The following TENM3 variants were observed in gnomAD, a reference collection of about 807,000 sequenced individuals.
The protein encoded by TENM3 is teneurin-3.
A neutral mutation model predicts 255.1 loss-of-function variants in TENM3; 63 were observed. The ratio of observed to expected loss-of-function variants is 0.25; its 90% CI spans 0.20 to 0.30. The LOEUF is 0.30. TENM3 is among the 10% of genes least tolerant of loss of function. The pLI is 1.00. For synonymous variants in TENM3, 1,306 were observed against 1,322.3 expected, an observed-to-expected ratio of 0.99 and a Z score of 0.27; for missense variants, 2,929 against 3,461.1, an observed-to-expected ratio of 0.85 and a Z score of 3.86.
intron 24 of TENM3, among the ~76,000 whole-genome samples, chr4:182,787,178 C>G (rs985983326): frequency 1.3e-5 from 2 of 152,222 alleles, no homozygotes; most frequent in African/African-American, 4.8e-5. Flanking sequence ...CGCATGGAAG[C>G]TCAGAAAGCC....
chr4:182,679,869 T>C lies in TENM3; in HGVS notation c.1530T>C (p.Ile510=), dbSNP rs369180832. 9 of 1,607,210 alleles carry C rather than the reference T, an allele frequency of 5.6e-6. No homozygotes were observed. The African/African-American group carries it at 9.4e-5, about 17-fold the overall frequency. The change falls in exon 8 of 28, where the codon ATT becomes ATC. Residue 510 remains isoleucine (I), a synonymous_variant. Transcript: ENST00000511685. ...CAGAGCAGGTGTCTTTTAATACCAT[T>C]GTTATAGGTAAGAATAGTCTTCAAA... ...KNAEQVSFNT[I]VIESVVECPR... is the part of the protein sequence containing the mutation.
At chr4:182,315,731 T>G (rs1762718015) in intron 1 of TENM3, among the ~76,000 whole-genome samples, 1 of 152,214 alleles carries the variant, frequency 6.6e-6, no homozygotes, top group South Asian at 2.1e-4. Context: ...CACATGTATA[T>G]TGGTCTCTTA....
At chr4:182,798,439 C>A (rs560847723) in intron 27 of TENM3, among the ~76,000 whole-genome samples, 2 of 152,340 alleles carry the variant, frequency 1.3e-5, no homozygotes, top group East Asian at 3.9e-4. Context: ...TAGGCCATCC[C>A]ATACAGCCTA....
In TENM3 at chr4:182,246,257, A is replaced by T. The variant is rs528936470; in HGVS notation, c.-76+2781A>T. 2.7e-4 allele frequency among the ~76,000 whole-genome samples: 41 copies of T among 152,326 alleles called. No individual in the cohort carries two copies. The South Asian group carries it at 3.7e-3, about 14-fold the overall frequency. ...ACCACTGCCAGCAGCCCCAAGGCAT[A>T]GGGGAAGAAAGAATTTTTTAAAAAG... On this transcript the variant is annotated intron_variant, in intron 1 of 27. Coordinates refer to ENST00000511685, the MANE Select transcript of TENM3 (RefSeq NM_001080477.4).
chr4:182,562,193 C>T (rs1026623098), intron 3 of TENM3, among the ~76,000 whole-genome samples: 1 of 152,122 alleles, frequency 6.6e-6, no homozygotes, highest in African/African-American at 2.4e-5. Flanking sequence ...AACATCTATT[C>T]TTTTAAGTGA....
At chr4:182,702,723 A>C (rs1241472646) in intron 12 of TENM3, among the ~76,000 whole-genome samples, 1 of 151,250 alleles carries the variant, frequency 6.6e-6, no homozygotes, top group Non-Finnish European at 1.5e-5. Context: ...GCGATTTCCA[A>C]GCCCACGCTC....
intron 1 of TENM3, among the ~76,000 whole-genome samples, chr4:182,192,032 T>C (rs950251861): frequency 4.6e-5 from 7 of 152,198 alleles, no homozygotes; most frequent in African/African-American, 1.7e-4. Context: ...GCCTGCATGC[T>C]AAGAATGATT....
Position 182,669,544 on chromosome 4 carries a change from A to G in TENM3, c.1112-3461A>G, listed in dbSNP as rs1282469815. On this transcript the variant is annotated intron_variant, in intron 6 of 27. Transcript: ENST00000511685. ...CTCAGCCTCCCAAATTGCTAGGATT[A>G]CAGGCGTGAGCCACCACACCCGGCC... Among the ~76,000 whole-genome samples the G allele has an allele frequency of 3.3e-5, 5 of 152,286 alleles. No homozygotes were observed. In the South Asian group the frequency reaches 8.3e-4, roughly 25 times the overall value.
chr4:181,649,600 C>G, the TENM3 span, among the ~76,000 whole-genome samples: 4 of 152,152 alleles, frequency 2.6e-5, no homozygotes, highest in African/African-American at 4.8e-5. Context: ...ATTATGGGAA[C>G]CCAAATGGAA....
At chr4:182,099,369 A>C in the TENM3 span, among the ~76,000 whole-genome samples, 1 of 152,332 alleles carries the variant, frequency 6.6e-6, no homozygotes. Flanking sequence ...TAAACCAGTG[A>C]GTATCTTCTA....
At chr4:182,005,776 G>A in the TENM3 span, among the ~76,000 whole-genome samples, 1 of 151,976 alleles carries the variant, frequency 6.6e-6, no homozygotes, top group Non-Finnish European at 1.5e-5. Context: ...CCTTGAAGAG[G>A]TCCCTCACAT....
the TENM3 span, among the ~76,000 whole-genome samples, chr4:182,009,813 G>C: frequency 6.6e-6 from 1 of 152,202 alleles, no homozygotes; most frequent in Admixed American, 6.5e-5. Flanking sequence ...TTCTGGGGTT[G>C]GGATGCTAGG....
chr4:181,836,703 C>T, the TENM3 span, among the ~76,000 whole-genome samples: 1 of 152,180 alleles, frequency 6.6e-6, no homozygotes, highest in Non-Finnish European at 1.5e-5. Context: ...CCAGTGCCCT[C>T]CCATACTGTT....
chr4:182,506,531 G>T (rs1252505319), intron 3 of TENM3, among the ~76,000 whole-genome samples: 4 of 151,926 alleles, frequency 2.6e-5, no homozygotes, highest in Non-Finnish European at 5.9e-5. Context: ...AAATTTGTCT[G>T]GTATGTGTAT....
At chr4:182,607,908 T>G (rs138902696) in intron 4 of TENM3, among the ~76,000 whole-genome samples, 1 of 152,324 alleles carries the variant, frequency 6.6e-6, no homozygotes, top group African/African-American at 2.4e-5. Flanking sequence ...TAACACATTT[T>G]GAATCACACT....
the TENM3 span, among the ~76,000 whole-genome samples, chr4:181,499,972 A>AT: frequency 6.6e-6 from 1 of 152,136 alleles, no homozygotes; most frequent in East Asian, 1.9e-4. Context: ...GGCATTAGTG[A>AT]TTTTGAATTA....
At chr4:181,799,109 A>G in the TENM3 span, among the ~76,000 whole-genome samples, 1 of 152,248 alleles carries the variant, frequency 6.6e-6, no homozygotes, top group Non-Finnish European at 1.5e-5. Context: ...CTTAGAAACA[A>G]TAATTCCTCA....
intron 5 of TENM3, among the ~76,000 whole-genome samples, chr4:182,631,138 A>G (rs1291686349): frequency 6.6e-6 from 1 of 152,072 alleles, no homozygotes. Context: ...TACTAGTACC[A>G]TGGTCATAAA....
the TENM3 span, among the ~76,000 whole-genome samples, chr4:181,932,340 A>C: frequency 2.0e-5 from 3 of 152,260 alleles, no homozygotes; most frequent in East Asian, 5.8e-4. Context: ...CAACCCCATC[A>C]AAAAGTGGAC....
Sources: gnomAD v4.1 joint callset for allele counts (sites outside exome capture counted in the v4.1 genomes callset) on GRCh38, gnomAD v4.1.1 for gene constraint, MANE v1.5 for transcripts, NCBI Gene and HGNC (gene_info 2026-07-23, HGNC 2026-07-21) for gene names.